The following GPR157 variants were observed in gnomAD, a reference collection of about 807,000 sequenced individuals.
GPR157 encodes G-protein coupled receptor 157.
Under a neutral mutation model 23.5 loss-of-function variants are expected in GPR157, and 16 were observed. The observed-to-expected ratio is 0.68, with a 90% CI of 0.46 to 1.04. The LOEUF is 1.04. Among genes scored for constraint, GPR157 ranks in the 50% least tolerant of loss-of-function variants. The probability of loss-of-function intolerance (pLI) is 0.00; values close to 1 mark genes in which losing one functional copy is unlikely to be tolerated. For synonymous variants in GPR157, 200 were observed against 221.5 expected (o/e 0.90, Z 0.86); for missense variants, 440 against 460.7 (o/e 0.96, Z 0.41).
intron 1 of GPR157, among the ~76,000 whole-genome samples, chr1:9,123,547 ATTTAAATATATATTTAAATATAT>A (rs1327261897): frequency 1.3e-4 from 2 of 14,864 alleles, no homozygotes; most frequent in Admixed American, 9.7e-4. Context: ...AATATATCTA[ATTTAAATATATATTTAAATATAT>A]TTTAAATATA....
chr1:9,123,517 T>TTAATTTAAATATATATTTAAAATATATC (rs1473943930), intron 1 of GPR157, among the ~76,000 whole-genome samples: 2,987 of 38,622 alleles, frequency 0.077, 285 homozygotes, highest in East Asian at 0.21. Context: ...AAATATATAT[T>TTAATTTAAATATATATTTAAAATATATC]TAATTTAAAT....
intron 2 of GPR157, among the ~76,000 whole-genome samples, chr1:9,106,331 C>A (rs1173364073): frequency 6.6e-6 from 1 of 152,118 alleles, no homozygotes; most frequent in East Asian, 1.9e-4. Flanking sequence ...CTCCTGCTCC[C>A]CCCTACAGTC....
At position 9,105,366 on chromosome 1, in the gene GPR157, G is replaced by T; in HGVS notation, c.792+120C>A. The T allele has an allele frequency of 2.3e-6, 2 of 868,584 alleles. No individual in the cohort carries two copies. The highest frequency in any genetic ancestry group is 3.5e-6 in the Non-Finnish European group (2 of 571,266). The allele number at this position is 868,584 out of a possible 1,614,324, so 53.8% of individuals were successfully genotyped here. On this transcript the variant is annotated intron_variant, in intron 3 of 3. Transcript: ENST00000377411. The surrounding 1 kb of genome is among the most constrained non-coding windows in gnomAD (Gnocchi z 4.8). ...GGAAGGCACAGCACAGTGGGGCCGA[G>T]CTCCTCCCTGCAGCTGTGCCTTGGC...
In GPR157 at chr1:9,101,558, C is replaced by T. The variant is rs750374318; in HGVS notation, c.*2861G>A. ...CCTGGTCACCACCATTCACAGTGAT[C>T]ACTCATCTGTGGCAAGAGGTGGGCA... On this transcript the variant is annotated 3_prime_UTR_variant, in exon 4 of 4. Transcript: ENST00000377411. The T allele has an allele frequency of 1.3e-5, 2 of 152,266 alleles. No individual in the cohort carries two copies. The highest frequency in any genetic ancestry group is 2.9e-5 in the Non-Finnish European group (2 of 68,058). The allele number at this position is 152,266 out of a possible 1,614,324, so 9.4% of individuals were successfully genotyped here. A position where few individuals can be genotyped will look rare whatever the true frequency, so the allele number is the denominator to read the frequency against.
At position 9,128,291 on chromosome 1, in the gene GPR157, C is replaced by T. The variant is rs1004013015; in HGVS notation, c.383+354G>A. On this transcript the variant is annotated intron_variant, in intron 1 of 3. Coordinates refer to ENST00000377411, the MANE Select transcript of GPR157 (RefSeq NM_024980.5). This position sits in a 1 kb window ranked among gnomAD's most constrained non-coding sequence, Gnocchi z 6.3. Reference sequence around the variant, plus strand: ...ACCTAACTCGTCTCCCAGCCTGTTTCCCCATGGGCAGCAGAGACAGCCAGG... The same window carrying T: ...ACCTAACTCGTCTCCCAGCCTGTTTTCCCATGGGCAGCAGAGACAGCCAGG... 1.8e-6 allele frequency: 1 copy of T among 544,292 alleles called. No homozygotes were observed. The allele number at this position is 544,292 out of a possible 1,614,324, so 33.7% of individuals were successfully genotyped here. A position where few individuals can be genotyped will look rare whatever the true frequency, so the allele number is the denominator to read the frequency against.
At chr1:9,122,092 C>T (rs1011358897) in intron 1 of GPR157, among the ~76,000 whole-genome samples, 3 of 152,272 alleles carry the variant, frequency 2.0e-5, no homozygotes, top group East Asian at 3.9e-4. Context: ...CGCCCACCAC[C>T]GTGAGGGGAG....
rs909529186 is a variant in GPR157, at chr1:9,102,166, T to A, written c.*2253A>T. 6.6e-6 allele frequency: 1 copy of A among 151,970 alleles called. No homozygotes were observed. The highest frequency in any genetic ancestry group is 2.4e-5 in the African/African-American group (1 of 41,384). 9.4% of individuals were successfully genotyped at this position (151,970 alleles called of 1,614,324 possible). On this transcript the variant is annotated 3_prime_UTR_variant, in exon 4 of 4. Transcript: ENST00000377411. ...GGCTCATGCCTGCAATCGAAGCATT[T>A]TGGGAGGCTGAGGTGGGTGGATCAC...
chr1:9,111,597 A>G (rs1362943693), intron 1 of GPR157, 108 bp from the exon 2 acceptor site: 10 of 839,162 alleles, frequency 1.2e-5, no homozygotes, highest in Non-Finnish European at 1.7e-5. Context: ...GATGCTCTCC[A>G]GAGCCTGGAT....
Position 9,104,588 on chromosome 1 carries a change from A to G in GPR157, c.839T>C (p.Val280Ala). ...FQGGANCIMF[V>A]LCTRAVRTRL... ...AGTTCGGACGGCGCGGGTGCAGAGG[A>G]CGAACATGATGCAGTTGGCACCTCC... The change falls in exon 4 of 4, where the codon GTC becomes GCC. Residue 280 changes from valine (V) to alanine (A), a missense_variant. Coordinates refer to ENST00000377411, the MANE Select transcript of GPR157 (RefSeq NM_024980.5). The G allele has an allele frequency of 1.2e-6, 2 of 1,613,258 alleles. No homozygotes were observed. Among genetic ancestry groups the G allele is most frequent in the South Asian group, 1.1e-5 (1 of 90,944 alleles).
chr1:9,112,043 CT>C (rs2124513780), intron 1 of GPR157, among the ~76,000 whole-genome samples: 1 of 152,336 alleles, frequency 6.6e-6, no homozygotes, highest in Non-Finnish European at 1.5e-5. Context: ...GTGTTTGCTG[CT>C]GTCGTGACTG....
chr1:9,117,772 A>AAAAC (rs1017709834), intron 1 of GPR157, among the ~76,000 whole-genome samples: 1 of 152,132 alleles, frequency 6.6e-6, no homozygotes, highest in East Asian at 1.9e-4. Flanking sequence ...AAAAAAAAGC[A>AAAAC]AAACAAACAA....
rs924524205 is a variant in GPR157 at position 9,105,285 on chromosome 1, G to A, written c.792+201C>T. 1.3e-5 allele frequency among the ~76,000 whole-genome samples: 2 copies of A among 152,060 alleles called. No individual in the cohort carries two copies. The highest frequency in any genetic ancestry group is 2.1e-4 in the South Asian group (1 of 4,820). ...TCACTGGTGAGCACCTCACCACCCC[G>A]GACCACACTGATCCCACTCTGCCTT... On this transcript the variant is annotated intron_variant, in intron 3 of 3. Coordinates refer to ENST00000377411, the MANE Select transcript of GPR157 (RefSeq NM_024980.5). This position sits in a 1 kb window ranked among gnomAD's most constrained non-coding sequence, Gnocchi z 4.8.
chr1:9,104,576 C>T lies in GPR157; in HGVS notation c.851G>A (p.Arg284His), dbSNP rs373046894. ...AGAGAAGAGCCGAGTTCGGACGGCG[C>T]GGGTGCAGAGGACGAACATGATGCA... is the stretch of plus-strand genomic sequence containing the variant. ...ANCIMFVLCT[R>H]AVRTRLFSLC... Residue 284 changes from arginine to histidine, a missense_variant, in exon 4 of 4, where the codon CGC (arginine) becomes CAC (histidine). Transcript: ENST00000377411. 26 of 1,613,628 alleles carry T rather than the reference C, an allele frequency of 1.6e-5. No individual in the cohort carries two copies. Among genetic ancestry groups the T allele is most frequent in the East Asian group, 6.7e-5 (3 of 44,870 alleles).
Position 9,116,730 on chromosome 1 carries a change from G to GA in GPR157, c.384-5242dup, listed in dbSNP as rs70985593. ...CTGCACTCCAGCCTGGGTGACAGAG[G>GA]AAAAAAAAAAAAAAAGCATTATTAT... On this transcript the variant is annotated intron_variant, in intron 1 of 3. Transcript: ENST00000377411. Among the ~76,000 whole-genome samples, 436 of 122,504 alleles carry GA rather than the reference G, an allele frequency of 3.6e-3. 2 individuals are homozygous for GA. The highest frequency in any genetic ancestry group is 9.2e-3 in the African/African-American group (304 of 32,890). The allele number at this position is 122,504 out of a possible 152,430, so 80.4% of individuals were successfully genotyped here.
rs1254848954 is a variant in GPR157 at position 9,101,017 on chromosome 1, A to G, written c.*3402T>C. ...AGCAAAACCCTGCCTCACAAAAATA[A>G]ATAAACTAAAAAGAAGTAACAGCCC... is the stretch of plus-strand genomic sequence containing the variant. On this transcript the variant is annotated 3_prime_UTR_variant, in exon 4 of 4. Coordinates refer to ENST00000377411, the MANE Select transcript of GPR157 (RefSeq NM_024980.5). The G allele has an allele frequency of 1.3e-5, 2 of 152,058 alleles. No individual in the cohort carries two copies. Among genetic ancestry groups the G allele is most frequent in the Non-Finnish European group, 2.9e-5 (2 of 68,050 alleles). 9.4% of individuals were successfully genotyped at this position (152,058 alleles called of 1,614,324 possible). A position where few individuals can be genotyped will look rare whatever the true frequency, so the allele number is the denominator to read the frequency against.
rs1252934487 is a variant in GPR157, at chr1:9,128,602, C to T, written c.383+43G>A. On this transcript the variant is annotated intron_variant, in intron 1 of 3. Transcript: ENST00000377411. The surrounding 1 kb of genome is among the most constrained non-coding windows in gnomAD (Gnocchi z 6.3). ...GAGGGCAAGACCGGGAGGGGTCGGC[C>T]TGTGTCGGGGGCTCCTGGAAAAGCA... The T allele has an allele frequency of 6.3e-7, 1 of 1,588,170 alleles. No individual in the cohort carries two copies. The highest frequency in any genetic ancestry group is 1.7e-5 in the Admixed American group (1 of 58,938).
At position 9,128,946 on chromosome 1, in the gene GPR157, C is replaced by G. The variant is rs939389456; in HGVS notation, c.82G>C (p.Gly28Arg). ...TGCGTGGCCACCAGCAGGCCCGAGC[C>G]GAGCGCGGAGAGTGCGCACGACAGC... is the stretch of plus-strand genomic sequence containing the variant. ...VLLSCALSAL[G>R]SGLLVATHAL... The change falls in exon 1 of 4, where the codon GGC becomes CGC. Residue 28 changes from glycine to arginine, a missense_variant. Gly to Arg is a moderately radical substitution (Grantham distance 125). Transcript: ENST00000377411. This position sits in a 1 kb window ranked among gnomAD's most constrained non-coding sequence, Gnocchi z 6.3. The G allele has an allele frequency of 1.3e-6, 2 of 1,509,944 alleles. No individual in the cohort carries two copies. The highest frequency in any genetic ancestry group is 2.8e-5 in the African/African-American group (2 of 72,142). The allele number at this position is 1,509,944 out of a possible 1,614,324, so 93.5% of individuals were successfully genotyped here.
Position 9,111,477 on chromosome 1 carries a change from C to G in GPR157, c.396G>C (p.Pro132=), listed in dbSNP as rs532082112. ...WAFHVVSWGV[P]LVITVAAVAL... is the part of the protein sequence containing the mutation. The stretch of plus-strand genomic sequence containing the variant: ...CGACGGCTGCCACAGTGATGACCAA[C>G]GGGACCCCCCAGCTGAGGAAGGAGG... The change falls in exon 2 of 4, where the codon CCG becomes CCC. Residue 132 remains proline, a synonymous_variant. Transcript: ENST00000377411. The G allele has an allele frequency of 1.2e-6, 2 of 1,613,396 alleles. No homozygotes were observed. Among genetic ancestry groups the G allele is most frequent in the South Asian group, 2.2e-5 (2 of 91,072 alleles).
rs1642570808 is a variant in GPR157 at position 9,101,865 on chromosome 1, ATTGTC to A, written c.*2549_*2553del. Reference sequence around the variant, plus strand: ...CTAACACTATTCCTCTGTGGCCTATATTGTCTTTTCTCTTTTACCTGTTAATCATG... The same window carrying A: ...CTAACACTATTCCTCTGTGGCCTATATTTTCTCTTTTACCTGTTAATCATG... On this transcript the variant is annotated 3_prime_UTR_variant, in exon 4 of 4. Coordinates refer to ENST00000377411, the MANE Select transcript of GPR157 (RefSeq NM_024980.5). 1 of 152,052 alleles carries A rather than the reference ATTGTC, an allele frequency of 6.6e-6. No individual in the cohort carries two copies. The highest frequency in any genetic ancestry group is 2.4e-5 in the African/African-American group (1 of 41,382). The allele number at this position is 152,052 out of a possible 1,614,324, so 9.4% of individuals were successfully genotyped here. A position where few individuals can be genotyped will look rare whatever the true frequency, so the allele number is the denominator to read the frequency against.
Sources: allele counts gnomAD v4.1 joint callset (sites outside exome capture counted in the v4.1 genomes callset), GRCh38; gene constraint gnomAD v4.1.1; non-coding constraint Gnocchi (gnomAD v3.1); transcripts MANE v1.5; gene names NCBI Gene and HGNC (gene_info 2026-07-23, HGNC 2026-07-21).